Variants in SNTG1 observed in about 807,000 individuals in gnomAD.
SNTG1 encodes syntrophin gamma 1.
Under a neutral mutation model 74.7 loss-of-function variants are expected in SNTG1, and 39 were observed. That is an observed-to-expected ratio of 0.52 (90% CI 0.40 to 0.68). SNTG1 has a LOEUF of 0.68. Among genes scored for constraint, SNTG1 ranks in the 30% least tolerant of loss-of-function variants. The probability of loss-of-function intolerance (pLI) is 0.00; values close to 1 mark genes in which losing one functional copy is unlikely to be tolerated. For synonymous variants in SNTG1, 254 were observed against 217.1 expected, an observed-to-expected ratio of 1.17 and a Z score of -1.49; for missense variants, 685 against 609.5, an observed-to-expected ratio of 1.12 and a Z score of -1.30.
chr8:50,358,849 A>G (rs1373264945), intron 2 of SNTG1, among the ~76,000 whole-genome samples: 2 of 152,194 alleles, frequency 1.3e-5, no homozygotes, highest in African/African-American at 2.4e-5. Flanking sequence ...ACCATCATCA[A>G]GTGTGACAAT....
intron 1 of SNTG1, among the ~76,000 whole-genome samples, chr8:50,034,876 G>A (rs866358043): frequency 8.5e-5 from 13 of 152,294 alleles, no homozygotes; most frequent in African/African-American, 2.6e-4. Flanking sequence ...TTTTCTGAAA[G>A]CAGTATTTGT....
intron 8 of SNTG1, among the ~76,000 whole-genome samples, chr8:50,488,456 A>G (rs142595774): frequency 6.6e-6 from 1 of 152,292 alleles, no homozygotes; most frequent in Non-Finnish European, 1.5e-5. Flanking sequence ...TTGGTCGGAA[A>G]TCCTATCAAT....
intron 2 of SNTG1, among the ~76,000 whole-genome samples, chr8:50,206,915 C>G (rs537161093): frequency 8.5e-5 from 13 of 152,192 alleles, no homozygotes; most frequent in Admixed American, 2.0e-4. Context: ...AGGGATGAAG[C>G]CAACTTGATT....
At chr8:50,009,985 G>A (rs867296316) in intron 1 of SNTG1, among the ~76,000 whole-genome samples, 1 of 152,142 alleles carries the variant, frequency 6.6e-6, no homozygotes, top group Non-Finnish European at 1.5e-5. Flanking sequence ...GACAGAGTGA[G>A]ACTCTGTCTA....
intron 17 of SNTG1, among the ~76,000 whole-genome samples, chr8:50,714,568 G>A (rs566033974): frequency 6.6e-6 from 1 of 152,104 alleles, no homozygotes; most frequent in East Asian, 1.9e-4. Flanking sequence ...CCTCCACTGG[G>A]CATTTGCCAC....
chr8:50,693,856 A>C (rs1440572958), intron 15 of SNTG1, among the ~76,000 whole-genome samples: 1 of 152,230 alleles, frequency 6.6e-6, no homozygotes, highest in African/African-American at 2.4e-5. Context: ...GCTCCTGAAC[A>C]ACCAATGGGT....
chr8:50,264,669 T>C (rs184089849), intron 2 of SNTG1, among the ~76,000 whole-genome samples: 1 of 148,398 alleles, frequency 6.7e-6, no homozygotes, highest in Admixed American at 6.7e-5. Flanking sequence ...CACATAAAAA[T>C]ATAGAAGAGA....
At chr8:50,695,454 G>A (rs1415364957) in intron 15 of SNTG1, among the ~76,000 whole-genome samples, 4 of 150,458 alleles carry the variant, frequency 2.7e-5, no homozygotes, top group South Asian at 2.1e-4. Flanking sequence ...AAGGAATTAT[G>A]AGTGACTTTT....
In SNTG1 at chr8:50,553,197, G is replaced by C; in HGVS notation, c.810+18G>C. ...AGCACAATGTAAGTAATGATTCAAG[G>C]AATACCTAGCCAGGGTTTCTCAGGC... On this transcript the variant is annotated intron_variant, in intron 12 of 18. Transcript: ENST00000642720. 6.2e-7 allele frequency: 1 copy of C among 1,613,272 alleles called. No homozygotes were observed. The highest frequency in any genetic ancestry group is 8.5e-7 in the Non-Finnish European group (1 of 1,179,614).
intron 13 of SNTG1, among the ~76,000 whole-genome samples, chr8:50,596,033 T>C (rs1490079121): frequency 6.6e-6 from 1 of 152,034 alleles, no homozygotes; most frequent in Admixed American, 6.6e-5. Context: ...ATTTTGAACA[T>C]TTTAAGAAAC....
intron 2 of SNTG1, among the ~76,000 whole-genome samples, chr8:50,392,448 C>A (rs1190724758): frequency 1.3e-5 from 2 of 152,128 alleles, no homozygotes; most frequent in Non-Finnish European, 2.9e-5. Context: ...TATTTAATGC[C>A]AGCTAAAATT....
chr8:50,338,136 AAAAAATAAATAAAT>A (rs891861005), intron 2 of SNTG1, among the ~76,000 whole-genome samples: 38 of 152,126 alleles, frequency 2.5e-4, no homozygotes, highest in South Asian at 1.0e-3. Context: ...TCTGTCTCAA[AAAAAATAAATAAAT>A]AAAAATAAAT....
intron 1 of SNTG1, among the ~76,000 whole-genome samples, chr8:50,104,460 T>G (rs1367926088): frequency 6.6e-6 from 1 of 152,160 alleles, no homozygotes; most frequent in Admixed American, 6.6e-5. Context: ...CTTTTCTTCT[T>G]TATTAGTCTT....
chr8:50,744,941 A>T (rs1194661688), intron 17 of SNTG1, among the ~76,000 whole-genome samples: 1 of 152,026 alleles, frequency 6.6e-6, no homozygotes, highest in Non-Finnish European at 1.5e-5. Context: ...TTAAAATGAT[A>T]AAACTTGTAG....
At chr8:50,086,816 A>G (rs1201512019) in intron 1 of SNTG1, among the ~76,000 whole-genome samples, 1 of 152,210 alleles carries the variant, frequency 6.6e-6, no homozygotes, top group Non-Finnish European at 1.5e-5. Context: ...TTATAAGCCT[A>G]TTATATATTG....
chr8:49,971,104 G>A (rs913682471), intron 1 of SNTG1, among the ~76,000 whole-genome samples: 3 of 151,994 alleles, frequency 2.0e-5, no homozygotes, highest in Non-Finnish European at 2.9e-5. Flanking sequence ...GATGAACATC[G>A]ATGCAAAAAT....
At chr8:50,636,780 T>C (rs550961748) in intron 13 of SNTG1, among the ~76,000 whole-genome samples, 13 of 152,304 alleles carry the variant, frequency 8.5e-5, no homozygotes, top group South Asian at 8.3e-4. Context: ...CCTTTTTTAA[T>C]GTAGTTATTA....
intron 2 of SNTG1, among the ~76,000 whole-genome samples, chr8:50,195,727 G>A (rs1482676809): frequency 2.0e-5 from 3 of 152,172 alleles, no homozygotes; most frequent in Non-Finnish European, 4.4e-5. Flanking sequence ...CACTGGGGGT[G>A]TGTGTTCTGG....
chr8:50,022,813 T>C (rs1361425334), intron 1 of SNTG1, among the ~76,000 whole-genome samples: 1 of 152,088 alleles, frequency 6.6e-6, no homozygotes, highest in Non-Finnish European at 1.5e-5. Flanking sequence ...AAGTGAAGGG[T>C]TGAGGGTGTG....
Sources: allele counts gnomAD v4.1 joint callset (sites outside exome capture counted in the v4.1 genomes callset), GRCh38; gene constraint gnomAD v4.1.1; transcripts MANE v1.5; gene names NCBI Gene and HGNC (gene_info 2026-07-23, HGNC 2026-07-21).